Variants in C2orf76 observed in about 807,000 individuals in gnomAD.
The protein encoded by C2orf76 is UPF0538 protein C2orf76.
Under a neutral mutation model 16.9 loss-of-function variants are expected in C2orf76, and 23 were observed. That is an observed-to-expected ratio of 1.36 (90% confidence interval 0.98 to 1.93). C2orf76 has a LOEUF of 1.93. Ranked by LOEUF, C2orf76 falls within the 30% of genes most tolerant of loss-of-function variation. The pLI is 0.00. For synonymous variants in C2orf76, 48 were observed against 52.3 expected, an observed-to-expected ratio of 0.92 and a Z score of 0.35; for missense variants, 152 against 152.6, an observed-to-expected ratio of 1.00 and a Z score of 0.02.
Position 119,335,452 on chromosome 2 carries a change from G to A in C2orf76, c.133+4375C>T, listed in dbSNP as rs913389649. Among the ~76,000 whole-genome samples, 7 of 152,296 alleles carry A rather than the reference G, an allele frequency of 4.6e-5. No individual in the cohort carries two copies. The East Asian group carries it at 9.6e-4, about 21-fold the overall frequency. ...ACCAGAAAGTAAAAGTACTGAACAC[G>A]TGCACCCATGCACACTGAGGGCATA... On this transcript the variant is annotated intron_variant, in intron 2 of 5. Coordinates refer to ENST00000334816, the MANE Select transcript of C2orf76 (RefSeq NM_001322331.2).
rs770155743 is a variant in C2orf76 at position 119,311,650 on chromosome 2, T to G, written c.276A>C (p.Glu92Asp). ...TTCCAGCTGCTTTCAGAGTGCTGTC[T>G]TCTTTCAGCAGGAGTCTTTCGTCAT... ...LEDDERLLLK[E>D]DSTLKAAGIA... Residue 92 changes from glutamate (E) to aspartate (D), a missense_variant, in exon 5 of 6, where the codon GAA becomes GAC. Coordinates refer to ENST00000334816, the MANE Select transcript of C2orf76 (RefSeq NM_001322331.2). 2.5e-6 allele frequency: 4 copies of G among 1,613,534 alleles called. No individual in the cohort carries two copies. In the South Asian group the frequency reaches 4.4e-5, roughly 18 times the overall value.
chr2:119,346,273 T>G (rs562841401), intron 1 of C2orf76, among the ~76,000 whole-genome samples: 2 of 152,204 alleles, frequency 1.3e-5, no homozygotes, highest in East Asian at 3.9e-4. Context: ...AACCCAGTAA[T>G]TGCATTCTTG....
At chr2:119,350,634 G>A (rs1680370257) in intron 1 of C2orf76, among the ~76,000 whole-genome samples, 1 of 152,196 alleles carries the variant, frequency 6.6e-6, no homozygotes, top group South Asian at 2.1e-4. Context: ...GGTCCAAGCT[G>A]CAAGGATGGT....
At chr2:119,311,081 A>G (rs975160858) in intron 5 of C2orf76, 7 of 842,974 alleles carry the variant, frequency 8.3e-6, no homozygotes, top group East Asian at 1.2e-4. Flanking sequence ...AACATGTCAC[A>G]TAACATTTAT....
At chr2:119,342,624 A>AG (rs1450889820) in intron 1 of C2orf76, among the ~76,000 whole-genome samples, 1 of 151,970 alleles carries the variant, frequency 6.6e-6, no homozygotes, top group African/African-American at 2.4e-5. Flanking sequence ...AAAACAAAAA[A>AG]GAAAAAAAAA....
downstream of C2orf76, among the ~76,000 whole-genome samples, chr2:119,301,220 C>T (rs1189145697): frequency 1.3e-5 from 2 of 152,154 alleles, no homozygotes; most frequent in Non-Finnish European, 2.9e-5. Context: ...TTATTTTCCT[C>T]TTTATTAACT....
downstream of C2orf76, among the ~76,000 whole-genome samples, chr2:119,298,214 C>A (rs1475881786): frequency 6.6e-6 from 1 of 152,138 alleles, no homozygotes; most frequent in Non-Finnish European, 1.5e-5. Context: ...CAAATATAAT[C>A]CATTTTTTCT....
At chr2:119,293,776 G>C in the C2orf76 span, among the ~76,000 whole-genome samples, 9 of 152,000 alleles carry the variant, frequency 5.9e-5, no homozygotes, top group Non-Finnish European at 1.2e-4. Flanking sequence ...GGGGGTAAAA[G>C]AAAAAAGAGA....
chr2:119,325,554 C>G (rs1248034988), intron 2 of C2orf76, among the ~76,000 whole-genome samples: 1 of 151,402 alleles, frequency 6.6e-6, no homozygotes, highest in East Asian at 1.9e-4. Flanking sequence ...TGAGTTAAGG[C>G]TGCAGTGAGC....
intron 5 of C2orf76, among the ~76,000 whole-genome samples, chr2:119,308,620 G>A (rs959038038): frequency 1.1e-4 from 16 of 152,104 alleles, no homozygotes; most frequent in African/African-American, 2.7e-4. Context: ...CAGCCTGGGC[G>A]ACAGAGCAAG....
At chr2:119,310,734 C>T (rs886470619) in intron 5 of C2orf76, among the ~76,000 whole-genome samples, 4 of 152,154 alleles carry the variant, frequency 2.6e-5, no homozygotes, top group African/African-American at 4.8e-5. Context: ...ATTAGCCAAG[C>T]GTGCTGGTGC....
At chr2:119,347,148 G>T (rs2104620698) in intron 1 of C2orf76, among the ~76,000 whole-genome samples, 1 of 152,272 alleles carries the variant, frequency 6.6e-6, no homozygotes, top group East Asian at 1.9e-4. Flanking sequence ...ATCAACATTA[G>T]TGAATGAATC....
intron 2 of C2orf76, among the ~76,000 whole-genome samples, chr2:119,329,760 T>C (rs1679614915): frequency 6.6e-6 from 1 of 152,176 alleles, no homozygotes; most frequent in African/African-American, 2.4e-5. Context: ...ATTTCTCCTC[T>C]GCTGGCCTTT....
chr2:119,297,057 A>C, the C2orf76 span, among the ~76,000 whole-genome samples: 1 of 152,158 alleles, frequency 6.6e-6, no homozygotes, highest in South Asian at 2.1e-4. Flanking sequence ...CTGCTGCTGC[A>C]CTCACTCTCA....
chr2:119,281,757 A>C, the C2orf76 span, among the ~76,000 whole-genome samples: 1 of 152,164 alleles, frequency 6.6e-6, no homozygotes, highest in Non-Finnish European at 1.5e-5. Context: ...TTACCTGCTA[A>C]AATGCTTGGT....
chr2:119,318,334 T>A (rs1351542020), intron 3 of C2orf76, among the ~76,000 whole-genome samples: 1 of 152,124 alleles, frequency 6.6e-6, no homozygotes, highest in African/African-American at 2.4e-5. Context: ...ACTCCCAAAC[T>A]TAAACTAAAA....
chr2:119,305,957 A>C (rs1369710289), intron 5 of C2orf76, among the ~76,000 whole-genome samples: 16 of 148,086 alleles, frequency 1.1e-4, no homozygotes, highest in Admixed American at 3.4e-4. Context: ...AAAAAAAAAA[A>C]CAAAAAAAAC....
chr2:119,340,597 T>A (rs1679994598), intron 1 of C2orf76, among the ~76,000 whole-genome samples: 1 of 152,132 alleles, frequency 6.6e-6, no homozygotes, highest in African/African-American at 2.4e-5. Flanking sequence ...ATGAAGCATT[T>A]TGCCTCATGG....
chr2:119,299,937 C>T (rs1012713947), downstream of C2orf76, among the ~76,000 whole-genome samples: 4 of 152,206 alleles, frequency 2.6e-5, no homozygotes, highest in Non-Finnish European at 5.9e-5. Context: ...GCAAGAATCA[C>T]TGAAGTCTCC....
Sources: gnomAD v4.1 joint callset for allele counts (sites outside exome capture counted in the v4.1 genomes callset) on GRCh38, gnomAD v4.1.1 for gene constraint, MANE v1.5 for transcripts, NCBI Gene and HGNC (gene_info 2026-07-23, HGNC 2026-07-21) for gene names.